BABAM2: variants seen among roughly 807,000 people sequenced by gnomAD.
BABAM2 encodes the protein BRISC and BRCA1 A complex member 2.
Under a neutral mutation model 54.7 loss-of-function variants are expected in BABAM2, and 31 were observed. The observed-to-expected ratio is 0.57, with a 90% confidence interval of 0.43 to 0.77. The LOEUF (loss-of-function observed/expected upper bound fraction) is 0.77. Among genes scored for constraint, BABAM2 ranks in the 30% least tolerant of loss-of-function variants. The pLI is 0.00. For missense variants in BABAM2, 364 were observed against 455.8 expected (o/e 0.80, Z 1.83); for synonymous variants, 167 against 162.9 (o/e 1.03, Z -0.19).
intron 7 of BABAM2, among the ~76,000 whole-genome samples, chr2:28,158,702 A>G (rs894457153): frequency 1.3e-5 from 2 of 152,234 alleles, no homozygotes; most frequent in Non-Finnish European, 2.9e-5. Context: ...ATATAGCTTG[A>G]GACTTCTACT....
chr2:28,045,683 A>G, intron 5 of BABAM2, 42 bp from the exon 6 acceptor site: 3 of 1,524,040 alleles, frequency 2.0e-6, no homozygotes, highest in Non-Finnish European at 2.7e-6. Context: ...TTCATAATCT[A>G]TTTTTGATTT....
At chr2:28,273,096 C>T (rs146691474) in intron 10 of BABAM2, among the ~76,000 whole-genome samples, 72 of 152,332 alleles carry the variant, frequency 4.7e-4, no homozygotes, top group African/African-American at 1.5e-3. Flanking sequence ...GTTTAGGGCA[C>T]AGTTCTTACC....
At chr2:28,197,043 C>T (rs368713945) in intron 7 of BABAM2, among the ~76,000 whole-genome samples, 5 of 151,522 alleles carry the variant, frequency 3.3e-5, no homozygotes, top group African/African-American at 1.2e-4. Context: ...GATGGGATCT[C>T]GCTATGTGTG....
At chr2:27,926,093 CT>C (rs77326542) in intron 2 of BABAM2, among the ~76,000 whole-genome samples, 151 of 142,100 alleles carry the variant, frequency 1.1e-3, no homozygotes, top group Middle Eastern at 3.7e-3. Flanking sequence ...CTCTTGTGGT[CT>C]TTTTTTTTTT....
intron 7 of BABAM2, among the ~76,000 whole-genome samples, chr2:28,214,269 C>T (rs1408591798): frequency 6.6e-6 from 1 of 152,090 alleles, no homozygotes; most frequent in African/African-American, 2.4e-5. Context: ...GTTCTATCAC[C>T]ACAAAAGAAG....
chr2:28,252,346 G>A (rs957650614), intron 10 of BABAM2, among the ~76,000 whole-genome samples: 2 of 152,108 alleles, frequency 1.3e-5, no homozygotes, highest in African/African-American at 4.8e-5. Context: ...CTTTAATTAT[G>A]GGAACTACTG....
intron 4 of BABAM2, among the ~76,000 whole-genome samples, chr2:28,001,694 CA>C (rs1673589312): frequency 6.6e-6 from 1 of 152,116 alleles, no homozygotes; most frequent in African/African-American, 2.4e-5. Context: ...ATCTTACAAT[CA>C]TGGCAGAAGG....
intron 2 of BABAM2, among the ~76,000 whole-genome samples, chr2:27,923,774 C>T (rs1667492622): frequency 6.6e-6 from 1 of 152,096 alleles, no homozygotes; most frequent in African/African-American, 2.4e-5. Context: ...AGTTTGAGAC[C>T]AGCCTGGGCA....
chr2:27,940,124 G>T (rs968455965), intron 3 of BABAM2, among the ~76,000 whole-genome samples: 3 of 152,154 alleles, frequency 2.0e-5, no homozygotes, highest in Admixed American at 1.3e-4. Context: ...TTACTTAAAT[G>T]ATATTGGAAA....
chr2:28,080,741 C>T (rs2148672505), intron 6 of BABAM2, among the ~76,000 whole-genome samples: 1 of 152,258 alleles, frequency 6.6e-6, no homozygotes, highest in Admixed American at 6.5e-5. Flanking sequence ...TTTTAAGTAG[C>T]CATCTGCAAG....
At chr2:28,336,440 T>C (rs1321446423) in intron 11 of BABAM2, among the ~76,000 whole-genome samples, 2 of 149,554 alleles carry the variant, frequency 1.3e-5, no homozygotes, top group Non-Finnish European at 3.0e-5. Flanking sequence ...GTTGGAGACG[T>C]GGGACTGGAA....
chr2:28,074,859 T>C (rs1664508401), intron 6 of BABAM2, among the ~76,000 whole-genome samples: 2 of 152,230 alleles, frequency 1.3e-5, no homozygotes, highest in African/African-American at 4.8e-5. Context: ...GATGTAAGTT[T>C]TCCTTGAAAA....
At chr2:28,196,469 G>T (rs1220729362) in intron 7 of BABAM2, among the ~76,000 whole-genome samples, 2 of 152,092 alleles carry the variant, frequency 1.3e-5, no homozygotes, top group South Asian at 4.1e-4. Flanking sequence ...ATGTATCTGT[G>T]AGCTTGTCAC....
At chr2:28,038,848 A>T (rs961780830) in intron 5 of BABAM2, among the ~76,000 whole-genome samples, 20 of 152,186 alleles carry the variant, frequency 1.3e-4, no homozygotes, top group African/African-American at 4.6e-4. Flanking sequence ...TAAACATATA[A>T]GTGGAGGTGT....
At chr2:28,090,588 G>A (rs1051486005) in intron 6 of BABAM2, among the ~76,000 whole-genome samples, 6 of 152,106 alleles carry the variant, frequency 3.9e-5, no homozygotes, top group East Asian at 1.9e-4. Flanking sequence ...CCTGTAGATA[G>A]CACCTATCGG....
At chr2:27,991,860 T>C (rs1672803545) in intron 4 of BABAM2, among the ~76,000 whole-genome samples, 1 of 152,228 alleles carries the variant, frequency 6.6e-6, no homozygotes, top group Non-Finnish European at 1.5e-5. Flanking sequence ...TTTATTTCTC[T>C]TGGATATATT....
intron 2 of BABAM2, among the ~76,000 whole-genome samples, chr2:27,908,058 G>C (rs1215910248): frequency 1.3e-5 from 2 of 152,108 alleles, no homozygotes; most frequent in East Asian, 3.9e-4. Context: ...TAGATCATAT[G>C]ATAATTCTGT....
chr2:28,260,911 A>G (rs760792682), intron 10 of BABAM2, among the ~76,000 whole-genome samples: 46 of 150,510 alleles, frequency 3.1e-4, no homozygotes, highest in Admixed American at 1.7e-3. Context: ...GCTATCGTGA[A>G]TGAAGTTTTC....
At chr2:27,939,488 T>C (rs1486795620) in intron 3 of BABAM2, among the ~76,000 whole-genome samples, 1 of 152,154 alleles carries the variant, frequency 6.6e-6, no homozygotes, top group African/African-American at 2.4e-5. Flanking sequence ...CAGATTTTCG[T>C]TGGTTGAAGT....
Sources: allele counts gnomAD v4.1 joint callset (sites outside exome capture counted in the v4.1 genomes callset), GRCh38; gene constraint gnomAD v4.1.1; transcripts MANE v1.5; gene names NCBI Gene and HGNC (gene_info 2026-07-23, HGNC 2026-07-21).